Variants in FER1L6 observed in about 807,000 individuals in gnomAD.
FER1L6 encodes the protein fer-1-like protein 6.
FER1L6 carries 177 observed loss-of-function variants against 219.2 expected under a neutral mutation model. The ratio of observed to expected loss-of-function variants is 0.81; its 90% CI spans 0.71 to 0.91. FER1L6 has a LOEUF of 0.91. Among genes scored for constraint, FER1L6 ranks in the 40% least tolerant of loss-of-function variants. The probability of loss-of-function intolerance (pLI) is 0.00; values close to 1 mark genes in which losing one functional copy is unlikely to be tolerated. For missense variants in FER1L6, 2,153 were observed against 2,259.9 expected, an observed-to-expected ratio of 0.95 and a Z score of 0.96; for synonymous variants, 768 against 824.3, an observed-to-expected ratio of 0.93 and a Z score of 1.17.
At chr8:123,887,155 A>G (rs532627430) in intron 1 of FER1L6, among the ~76,000 whole-genome samples, 7 of 152,274 alleles carry the variant, frequency 4.6e-5, no homozygotes, top group African/African-American at 1.7e-4. Context: ...CCTGCTACGT[A>G]AACTCCTAAT....
At chr8:123,877,973 T>C (rs1817034980) in intron 1 of FER1L6, among the ~76,000 whole-genome samples, 1 of 152,184 alleles carries the variant, frequency 6.6e-6, no homozygotes, top group Admixed American at 6.5e-5. Flanking sequence ...AGAAATCTTT[T>C]TGGCATTGTG....
intron 25 of FER1L6, among the ~76,000 whole-genome samples, chr8:124,063,542 G>GT: frequency 6.6e-6 from 1 of 152,270 alleles, no homozygotes; most frequent in Admixed American, 6.5e-5. Flanking sequence ...CCTATCATTC[G>GT]TTTTCCCAAT....
intron 2 of FER1L6, among the ~76,000 whole-genome samples, chr8:123,961,484 A>G (rs1351323730): frequency 6.6e-6 from 1 of 152,188 alleles, no homozygotes; most frequent in East Asian, 1.9e-4. Context: ...TTAAGAAGGT[A>G]GACTTTATTT....
chr8:124,091,703 A>G (rs1212832855), intron 34 of FER1L6, 120 bp downstream of exon 34: 1 of 1,066,700 alleles, frequency 9.4e-7, no homozygotes. Flanking sequence ...ACAGTGGCTC[A>G]CGTCTGTAAT....
At chr8:124,110,360 G>A (rs1438674871) in intron 39 of FER1L6, among the ~76,000 whole-genome samples, 1 of 152,156 alleles carries the variant, frequency 6.6e-6, no homozygotes, top group African/African-American at 2.4e-5. Context: ...AGCTAGTCAG[G>A]AAGGATGAGA....
intron 1 of FER1L6, among the ~76,000 whole-genome samples, chr8:123,898,643 TTA>T (rs140414036): frequency 1.4e-3 from 200 of 141,980 alleles, no homozygotes; most frequent in African/African-American, 4.2e-3. Flanking sequence ...GTATTCCATT[TTA>T]TATATATATA....
At chr8:124,012,619 T>C (rs1305736631) in intron 14 of FER1L6, among the ~76,000 whole-genome samples, 1 of 152,232 alleles carries the variant, frequency 6.6e-6, no homozygotes, top group African/African-American at 2.4e-5. Flanking sequence ...ATAAAGAAAT[T>C]GGGCATAAAT....
At chr8:124,075,661 G>C (rs1390960955) in intron 31 of FER1L6, among the ~76,000 whole-genome samples, 1 of 152,226 alleles carries the variant, frequency 6.6e-6, no homozygotes, top group East Asian at 1.9e-4. Flanking sequence ...ATGACTGTTA[G>C]CACAGTAGGT....
chr8:123,930,239 GT>G (rs1813716780), intron 1 of FER1L6, among the ~76,000 whole-genome samples: 1 of 152,054 alleles, frequency 6.6e-6, no homozygotes, highest in Non-Finnish European at 1.5e-5. Context: ...TATCACATTA[GT>G]TTGTGTATCC....
At chr8:124,024,048 C>G (rs1012713831) in intron 18 of FER1L6, among the ~76,000 whole-genome samples, 2 of 152,032 alleles carry the variant, frequency 1.3e-5, no homozygotes, top group Non-Finnish European at 2.9e-5. Flanking sequence ...AGATGCCCAC[C>G]ACCATGCCTA....
chr8:123,917,302 T>C (rs1372421643), intron 1 of FER1L6, among the ~76,000 whole-genome samples: 1 of 152,166 alleles, frequency 6.6e-6, no homozygotes, highest in African/African-American at 2.4e-5. Flanking sequence ...ATTTTTAAGG[T>C]CAAATGAGAC....
chr8:124,065,454 G>A (rs928511788), intron 26 of FER1L6, among the ~76,000 whole-genome samples: 1 of 150,432 alleles, frequency 6.6e-6, no homozygotes, highest in Non-Finnish European at 1.5e-5. Flanking sequence ...CCCAGCAAAT[G>A]GTAAAGGCTG....
At chr8:124,116,302 A>T (rs1227683867) in intron 39 of FER1L6, among the ~76,000 whole-genome samples, 2 of 151,922 alleles carry the variant, frequency 1.3e-5, no homozygotes, top group South Asian at 4.2e-4. Flanking sequence ...ATAGCCAAAA[A>T]GGGCATGCAT....
intron 31 of FER1L6, 80 bp downstream of exon 31, chr8:124,071,711 G>T (rs1821082068): frequency 6.7e-7 from 1 of 1,487,990 alleles, no homozygotes. Context: ...AGACTGGGAG[G>T]CTTAAACAAC....
intron 20 of FER1L6, among the ~76,000 whole-genome samples, chr8:124,043,961 G>A (rs1046958186): frequency 2.6e-5 from 4 of 152,232 alleles, no homozygotes; most frequent in African/African-American, 4.8e-5. Context: ...TGCTGTGTTA[G>A]TGTCTAATAC....
intron 39 of FER1L6, among the ~76,000 whole-genome samples, chr8:124,105,785 T>G (rs1048006147): frequency 6.6e-6 from 1 of 152,152 alleles, no homozygotes. Context: ...ATTTTTAAAA[T>G]GTAGTATATC....
chr8:124,049,348 C>A (rs1056604494), intron 21 of FER1L6, among the ~76,000 whole-genome samples: 2 of 152,028 alleles, frequency 1.3e-5, no homozygotes, highest in Non-Finnish European at 2.9e-5. Flanking sequence ...GCCTGTATGA[C>A]CCTTTTAGGA....
chr8:124,060,789 C>T (rs2130825934), intron 24 of FER1L6, 80 bp downstream of exon 24: 3 of 1,421,114 alleles, frequency 2.1e-6, no homozygotes, highest in Non-Finnish European at 2.9e-6. Flanking sequence ...CAGATGTCCA[C>T]TAGCTGCGAG....
chr8:123,972,970 C>G (rs1025890186), intron 6 of FER1L6, among the ~76,000 whole-genome samples: 1 of 152,190 alleles, frequency 6.6e-6, no homozygotes, highest in Admixed American at 6.5e-5. Flanking sequence ...TGATTACCTC[C>G]TTTGTTCTCA....
Sources: allele counts gnomAD v4.1 joint callset (sites outside exome capture counted in the v4.1 genomes callset), GRCh38; gene constraint gnomAD v4.1.1; transcripts MANE v1.5; gene names NCBI Gene and HGNC (gene_info 2026-07-23, HGNC 2026-07-21).